Variants in CORIN observed in about 807,000 individuals in gnomAD.
The protein encoded by CORIN is corin, serine peptidase.
Under a neutral mutation model 125.3 loss-of-function variants are expected in CORIN, and 117 were observed. That is an observed-to-expected ratio of 0.93 (90% confidence interval 0.80 to 1.09). The LOEUF is 1.09. CORIN is among the 50% of genes least tolerant of loss of function. The pLI, the probability that CORIN is intolerant of heterozygous loss-of-function variation, is 0.00. For synonymous variants in CORIN, 450 were observed against 466.4 expected, an observed-to-expected ratio of 0.96 and a Z score of 0.45; for missense variants, 1,253 against 1,306.7, an observed-to-expected ratio of 0.96 and a Z score of 0.63.
rs557349553 is a variant in CORIN at position 47,694,611 on chromosome 4, C to A, written c.800-1528G>T. On this transcript the variant is annotated intron_variant, in intron 5 of 21. Transcript: ENST00000273857. ...AATCCAGGAATATGGAACATTTTAA[C>A]TCAGCAATAGAAATAGAGAAAAGTA... Among the ~76,000 whole-genome samples the A allele has an allele frequency of 3.3e-5, 5 of 152,214 alleles. 1 individual carries two copies. In the South Asian group the frequency reaches 1.0e-3, roughly 32 times the overall value.
At chr4:47,721,986 C>G (rs1246976085) in intron 5 of CORIN, among the ~76,000 whole-genome samples, 1 of 152,214 alleles carries the variant, frequency 6.6e-6, no homozygotes, top group African/African-American at 2.4e-5. Context: ...AATCCAAACA[C>G]TATTTCCACA....
intron 5 of CORIN, among the ~76,000 whole-genome samples, chr4:47,728,977 G>A (rs1013638746): frequency 2.6e-5 from 4 of 152,186 alleles, no homozygotes; most frequent in Non-Finnish European, 4.4e-5. Context: ...AGCAATATTT[G>A]GCAGAGAATA....
At chr4:47,706,573 C>G (rs1005697754) in intron 5 of CORIN, 54 of 1,607,176 alleles carry the variant, frequency 3.4e-5, no homozygotes, top group Admixed American at 5.0e-5. Context: ...TTGTGTTAGC[C>G]GTGGTGGCCG....
intron 5 of CORIN, among the ~76,000 whole-genome samples, chr4:47,732,862 C>T (rs1727946273): frequency 1.3e-5 from 2 of 152,130 alleles, no homozygotes. Flanking sequence ...CGCGCCTGGC[C>T]AGTAATCTAC....
chr4:47,757,735 G>A (rs946785986), intron 4 of CORIN, among the ~76,000 whole-genome samples: 1 of 151,022 alleles, frequency 6.6e-6, no homozygotes, highest in African/African-American at 2.4e-5. Flanking sequence ...ATCAGGTCAG[G>A]GGAAAAGGAA....
chr4:47,744,585 TAAAA>T lies in CORIN; in HGVS notation c.618-6_618-3del, dbSNP rs372683178. ...GACCTACAGGGCAGGAGTCCATGACTAAAAAAAAAAAAAGAGAAAGGTGAAAATT... is the reference window on the plus strand; with the variant it reads ...GACCTACAGGGCAGGAGTCCATGACTAAAAAAAAAGAGAAAGGTGAAAATT... On this transcript the variant is annotated splice_polypyrimidine_tract_variant and splice_region_variant and intron_variant, in intron 4 of 21. Coordinates refer to ENST00000273857, the MANE Select transcript of CORIN (RefSeq NM_006587.4). 3.8e-6 allele frequency: 5 copies of T among 1,307,834 alleles called. No homozygotes were observed. Among genetic ancestry groups the T allele is most frequent in the Admixed American group, 2.6e-5 (1 of 38,974 alleles). The allele number at this position is 1,307,834 out of a possible 1,614,324, so 81.0% of individuals were successfully genotyped here. A position where few individuals can be genotyped will look rare whatever the true frequency, so the allele number is the denominator to read the frequency against.
intron 17 of CORIN, among the ~76,000 whole-genome samples, chr4:47,625,443 A>G (rs1012832744): frequency 3.9e-5 from 6 of 152,034 alleles, no homozygotes; most frequent in African/African-American, 1.4e-4. Context: ...TTATTTATTT[A>G]CTTGACCTGA....
chr4:47,624,935 A>T (rs1722489592), intron 17 of CORIN, among the ~76,000 whole-genome samples: 1 of 152,050 alleles, frequency 6.6e-6, no homozygotes, highest in Non-Finnish European at 1.5e-5. Context: ...CTGAAGATTT[A>T]CTGTATTTTC....
At chr4:47,622,929 G>A (rs1296506055) in intron 19 of CORIN, among the ~76,000 whole-genome samples, 1 of 151,924 alleles carries the variant, frequency 6.6e-6, no homozygotes, top group Non-Finnish European at 1.5e-5. Context: ...CTCTTCCTCG[G>A]AGCCAATCCA....
chr4:47,750,334 G>A (rs1728842961), intron 4 of CORIN, among the ~76,000 whole-genome samples: 1 of 152,150 alleles, frequency 6.6e-6, no homozygotes, highest in African/African-American at 2.4e-5. Flanking sequence ...AATAATGGAA[G>A]CATTTGTGGT....
chr4:47,667,973 A>T (rs1303771468), intron 10 of CORIN, among the ~76,000 whole-genome samples: 2 of 152,154 alleles, frequency 1.3e-5, no homozygotes, highest in Non-Finnish European at 2.9e-5. Context: ...CAAGAATGGG[A>T]TTAGTGCCCT....
chr4:47,783,080 C>A (rs1456544639), intron 3 of CORIN, among the ~76,000 whole-genome samples: 1 of 152,066 alleles, frequency 6.6e-6, no homozygotes, highest in East Asian at 1.9e-4. Context: ...TTTAACTCCT[C>A]ATCAGAGTTA....
chr4:47,824,297 T>A (rs1732646438), intron 1 of CORIN, among the ~76,000 whole-genome samples: 1 of 109,504 alleles, frequency 9.1e-6, no homozygotes. Flanking sequence ...AGAGGTAGTG[T>A]TAAACAACAA....
At chr4:47,698,208 G>A (rs1286298900) in intron 5 of CORIN, among the ~76,000 whole-genome samples, 2 of 151,856 alleles carry the variant, frequency 1.3e-5, no homozygotes, top group Non-Finnish European at 2.9e-5. Flanking sequence ...TAAATGCTAT[G>A]AAGAAGAGAG....
chr4:47,777,902 A>T (rs1730368787), intron 3 of CORIN, among the ~76,000 whole-genome samples: 1 of 152,236 alleles, frequency 6.6e-6, no homozygotes, highest in Admixed American at 6.5e-5. Context: ...TTAAAACCTG[A>T]GACAGTCAAC....
intron 5 of CORIN, among the ~76,000 whole-genome samples, chr4:47,741,200 C>T (rs957495552): frequency 1.3e-5 from 2 of 151,938 alleles, no homozygotes; most frequent in African/African-American, 4.8e-5. Flanking sequence ...GGCACACTTG[C>T]ATCCAGAATA....
At position 47,763,554 on chromosome 4, in the gene CORIN, G is replaced by A. The variant is rs1264454807; in HGVS notation, c.442C>T (p.Gln148Ter). ...ACMNITHSQCQMLPYHATLTP... is the reference protein window; with the variant it reads ...ACMNITHSQC ...AGCGTGGCGTGGTAGGGCAGCATCT[G>A]ACACTGGCTGTGGGTGATGTTCATA... Residue 148 changes from glutamine (Q) to a stop codon, truncating the protein, a stop_gained, in exon 4 of 22, where the codon CAG becomes TAG. Coordinates refer to ENST00000273857, the MANE Select transcript of CORIN (RefSeq NM_006587.4). LOFTEE classifies it high-confidence loss of function. The A allele has an allele frequency of 1.2e-6, 2 of 1,614,036 alleles. No homozygotes were observed. Among genetic ancestry groups the A allele is most frequent in the East Asian group, 2.2e-5 (1 of 44,896 alleles).
intron 1 of CORIN, among the ~76,000 whole-genome samples, chr4:47,827,744 T>C (rs1287231312): frequency 6.6e-6 from 1 of 152,246 alleles, no homozygotes; most frequent in East Asian, 1.9e-4. Flanking sequence ...CATAGGGGCA[T>C]ATTTCCCACC....
chr4:47,686,628 A>G (rs940680296), intron 6 of CORIN, among the ~76,000 whole-genome samples: 3 of 152,158 alleles, frequency 2.0e-5, no homozygotes, highest in Admixed American at 6.5e-5. Flanking sequence ...GAAATTCTAA[A>G]AGATCTTTTT....
Sources: gnomAD v4.1 joint callset for allele counts (sites outside exome capture counted in the v4.1 genomes callset) on GRCh38, gnomAD v4.1.1 for gene constraint, MANE v1.5 for transcripts, NCBI Gene and HGNC (gene_info 2026-07-23, HGNC 2026-07-21) for gene names.